CCDC3: variants seen among roughly 807,000 people sequenced by gnomAD.
CCDC3 encodes the protein coiled-coil domain-containing protein 3.
CCDC3 carries 24 observed loss-of-function variants against 21.4 expected under a neutral mutation model. The observed-to-expected ratio is 1.12, with a 90% CI of 0.81 to 1.58. The LOEUF (loss-of-function observed/expected upper bound fraction) is 1.58. Among genes scored for constraint, CCDC3 ranks in the 40% most tolerant of loss-of-function variants. CCDC3 has a pLI of 0.00. For synonymous variants in CCDC3, 186 were observed against 166.0 expected (o/e 1.12, Z -0.93); for missense variants, 425 against 360.9 (o/e 1.18, Z -1.44).
intron 5 of CCDC3, among the ~76,000 whole-genome samples, chr10:13,024,271 A>G (rs1161397326): frequency 6.6e-6 from 1 of 151,852 alleles, no homozygotes; most frequent in Non-Finnish European, 1.5e-5. Context: ...TAAAATTTGT[A>G]TAGTTTTATA....
intron 5 of CCDC3, among the ~76,000 whole-genome samples, chr10:13,015,899 T>TAAAAA (rs1836052372): frequency 6.6e-6 from 1 of 151,962 alleles, no homozygotes; most frequent in Non-Finnish European, 1.5e-5. Flanking sequence ...ACAGGGTGAC[T>TAAAAA]GTAGTAAAAA....
intron 2 of CCDC3, among the ~76,000 whole-genome samples, chr10:12,909,610 C>T (rs181673340): frequency 3.7e-4 from 56 of 152,268 alleles, no homozygotes; most frequent in South Asian, 2.5e-3. Flanking sequence ...TGCTTAGTGC[C>T]GGAAGGGCTC....
At chr10:12,965,015 C>T (rs376038558) in intron 2 of CCDC3, among the ~76,000 whole-genome samples, 1 of 152,228 alleles carries the variant, frequency 6.6e-6, no homozygotes, top group Admixed American at 6.5e-5. Context: ...GTCGTCAGTA[C>T]CCCCACCCCT....
chr10:13,085,792 C>T (rs936075443), intron 3 of CCDC3, among the ~76,000 whole-genome samples: 8 of 152,002 alleles, frequency 5.3e-5, no homozygotes, highest in Non-Finnish European at 7.4e-5. Context: ...CATGGCGAAA[C>T]CCCATCTCTA....
chr10:13,013,518 T>C (rs1476630083), intron 5 of CCDC3, among the ~76,000 whole-genome samples: 1 of 152,206 alleles, frequency 6.6e-6, no homozygotes, highest in Non-Finnish European at 1.5e-5. Flanking sequence ...GATATTTACA[T>C]AGTTACAAAT....
chr10:12,994,279 T>G (rs546083184), intron 2 of CCDC3, among the ~76,000 whole-genome samples: 1 of 152,018 alleles, frequency 6.6e-6, no homozygotes, highest in Non-Finnish European at 1.5e-5. Context: ...GTGCCTGTAA[T>G]CCCAGCTACT....
chr10:13,035,109 C>A (rs1231661343), intron 5 of CCDC3, among the ~76,000 whole-genome samples: 1 of 151,906 alleles, frequency 6.6e-6, no homozygotes, highest in Non-Finnish European at 1.5e-5. Context: ...CCAGTCCTGG[C>A]ATCATTGCAG....
intron 2 of CCDC3, among the ~76,000 whole-genome samples, chr10:12,920,614 T>C (rs1175307913): frequency 6.6e-6 from 1 of 152,220 alleles, no homozygotes; most frequent in Non-Finnish European, 1.5e-5. Context: ...TGACTTTTAA[T>C]GGCAAACTTT....
intron 2 of CCDC3, among the ~76,000 whole-genome samples, chr10:12,953,938 A>G (rs1835045831): frequency 6.6e-6 from 1 of 152,242 alleles, no homozygotes; most frequent in Non-Finnish European, 1.5e-5. Context: ...ATGACTCTGT[A>G]GCACAAAGGC....
At chr10:13,091,846 T>C (rs1832576231) in intron 3 of CCDC3, among the ~76,000 whole-genome samples, 2 of 56,188 alleles carry the variant, frequency 3.6e-5, no homozygotes, top group Admixed American at 4.9e-4. Context: ...AAAAAATTCC[T>C]CCTTGCTGGC....
chr10:13,093,126 T>C (rs779687193), intron 3 of CCDC3, among the ~76,000 whole-genome samples: 20 of 151,952 alleles, frequency 1.3e-4, no homozygotes, highest in Non-Finnish European at 2.2e-4. Context: ...TCTGTTTTCA[T>C]GCTGCTGATA....
Position 12,912,942 on chromosome 10 carries a change from T to C in CCDC3, c.550-14263A>G, listed in dbSNP as rs192433161. 3.3e-5 allele frequency among the ~76,000 whole-genome samples: 5 copies of C among 152,338 alleles called. No homozygotes were observed. In the East Asian group the frequency reaches 7.7e-4, roughly 23 times the overall value. On this transcript the variant is annotated intron_variant, in intron 2 of 2. Coordinates refer to ENST00000378825, the MANE Select transcript of CCDC3 (RefSeq NM_031455.4). ...TACACATGGATTTATTTCTTGGCGC[T>C]CTATTCTGTTCAATTGGTAGATTTC...
At chr10:13,091,673 T>A (rs766541609) in intron 3 of CCDC3, among the ~76,000 whole-genome samples, 10 of 152,184 alleles carry the variant, frequency 6.6e-5, no homozygotes, top group Non-Finnish European at 1.2e-4. Flanking sequence ...CATCTCATCA[T>A]CCTAAAGTTC....
chr10:13,006,090 C>G (rs1276374817), upstream of CCDC3, among the ~76,000 whole-genome samples: 3 of 152,066 alleles, frequency 2.0e-5, no homozygotes, highest in East Asian at 1.9e-4. Context: ...AACATCAGAT[C>G]CATTCATCAT....
intron 2 of CCDC3, among the ~76,000 whole-genome samples, chr10:12,963,286 G>T (rs954781269): frequency 1.3e-5 from 2 of 152,108 alleles, no homozygotes; most frequent in Admixed American, 6.5e-5. Context: ...TCTTAACCTT[G>T]TTGACCTTTA....
chr10:13,005,999 G>A (rs1835919522), upstream of CCDC3, among the ~76,000 whole-genome samples: 1 of 152,198 alleles, frequency 6.6e-6, no homozygotes, highest in African/African-American at 2.4e-5. Flanking sequence ...CCATACTGAG[G>A]TGGCAGGTCC....
chr10:13,013,926 G>A (rs372520874), intron 5 of CCDC3, among the ~76,000 whole-genome samples: 3 of 151,952 alleles, frequency 2.0e-5, no homozygotes, highest in Non-Finnish European at 4.4e-5. Context: ...CGAGGCAGGG[G>A]GATCACTTGA....
intron 5 of CCDC3, among the ~76,000 whole-genome samples, chr10:13,046,947 T>TA (rs57820167): frequency 0.15 from 20,119 of 135,528 alleles, 1,402 homozygotes; most frequent in Middle Eastern, 0.21. Context: ...ATTCACTTTC[T>TA]AAAAAAAAAA....
intron 5 of CCDC3, among the ~76,000 whole-genome samples, chr10:13,019,075 T>C (rs1456551637): frequency 2.6e-5 from 4 of 151,436 alleles, no homozygotes; most frequent in African/African-American, 4.9e-5. Context: ...CTACTAAAAA[T>C]ACAAAAAAAT....
Sources: allele counts gnomAD v4.1 joint callset (sites outside exome capture counted in the v4.1 genomes callset), GRCh38; gene constraint gnomAD v4.1.1; transcripts MANE v1.5; gene names NCBI Gene and HGNC (gene_info 2026-07-23, HGNC 2026-07-21).